Variants in DISC1 observed in about 807,000 individuals in gnomAD.
The protein encoded by DISC1 is DISC1 scaffold protein.
In DISC1, 57 loss-of-function variants were observed where a neutral mutation model predicts 84.5. The ratio of observed to expected loss-of-function variants is 0.67; its 90% CI spans 0.55 to 0.84. The LOEUF (loss-of-function observed/expected upper bound fraction) is 0.84, where lower values mean the gene tolerates loss of function less well. Ranked by LOEUF, DISC1 falls within the 40% of genes least tolerant of loss-of-function variation. The pLI, the probability that DISC1 is intolerant of heterozygous loss-of-function variation, is 0.00. For synonymous variants in DISC1, 411 were observed against 415.2 expected, an observed-to-expected ratio of 0.99 and a Z score of 0.12; for missense variants, 1,000 against 1,057.8, an observed-to-expected ratio of 0.95 and a Z score of 0.76.
intron 8 of DISC1, among the ~76,000 whole-genome samples, chr1:231,805,493 T>G (rs2079631658): frequency 6.8e-6 from 1 of 147,530 alleles, no homozygotes; most frequent in African/African-American, 2.5e-5. Flanking sequence ...AGGAGGGGGG[T>G]GGGGGAGGTG....
At chr1:231,810,834 T>C (rs1010767154) in intron 8 of DISC1, among the ~76,000 whole-genome samples, 1 of 152,222 alleles carries the variant, frequency 6.6e-6, no homozygotes, top group South Asian at 2.1e-4. Context: ...GAGTCAATTG[T>C]TACAGAAGTT....
In DISC1 at chr1:231,630,296, AG is replaced by A. The variant is rs2058610703; in HGVS notation, c.67+3365del. Among the ~76,000 whole-genome samples, 1 of 152,138 alleles carries A rather than the reference AG, an allele frequency of 6.6e-6. No individual in the cohort carries two copies. The highest frequency in any genetic ancestry group is 6.5e-5 in the Admixed American group (1 of 15,272). The stretch of plus-strand genomic sequence containing the variant: ...ACAAAAAAAGGTAATATTTTAGGTT[AG>A]GGTCATTAGACCAGAATTAGAATCA... On this transcript the variant is annotated intron_variant, in intron 1 of 12. Coordinates refer to ENST00000439617, the MANE Select transcript of DISC1 (RefSeq NM_018662.3). The surrounding 1 kb of genome is among the most constrained non-coding windows in gnomAD (Gnocchi z 4.4).
chr1:231,883,058 C>T (rs150287402), intron 9 of DISC1, among the ~76,000 whole-genome samples: 32 of 151,896 alleles, frequency 2.1e-4, no homozygotes, highest in Middle Eastern at 3.4e-3. Context: ...TAGCACAGAG[C>T]GACAGATGCC....
chr1:231,886,777 TTCTTTCTTTCTTTCTTTC>T (rs1463555647), intron 9 of DISC1, among the ~76,000 whole-genome samples: 2 of 93,894 alleles, frequency 2.1e-5, no homozygotes, highest in Admixed American at 2.0e-4. Context: ...CTTTCTTTCT[TTCTTTCTTTCTTTCTTTC>T]TTTCTTTCTT....
chr1:231,692,721 C>G (rs1425545335), intron 1 of DISC1, among the ~76,000 whole-genome samples: 3 of 152,188 alleles, frequency 2.0e-5, no homozygotes, highest in Non-Finnish European at 4.4e-5. Flanking sequence ...GAGATGAGAG[C>G]TCTGTGTGGG....
At chr1:231,750,336 A>G (rs1375446788) in intron 4 of DISC1, 2 of 1,277,620 alleles carry the variant, frequency 1.6e-6, no homozygotes, top group African/African-American at 3.0e-5. Context: ...CCCAGGTCTG[A>G]AGCATCTCTT....
At chr1:231,932,325 A>G (rs925046315) in intron 9 of DISC1, among the ~76,000 whole-genome samples, 2 of 152,164 alleles carry the variant, frequency 1.3e-5, no homozygotes, top group African/African-American at 4.8e-5. Context: ...TAAGACCAAT[A>G]TTTGTCCCAC....
chr1:231,771,984 T>G lies in DISC1; in HGVS notation c.1634+914T>G, dbSNP rs563563419. ...CACATCTGGCTATTTTTTTTTTTTT[T>G]TAAGTTTTTTGCAGAAATGGTGTCT... On this transcript the variant is annotated intron_variant, in intron 6 of 12. Transcript: ENST00000439617. Among the ~76,000 whole-genome samples, 65 of 151,668 alleles carry G rather than the reference T, an allele frequency of 4.3e-4. No homozygotes were observed. In the East Asian group the frequency reaches 8.0e-3, roughly 19 times the overall value.
intron 10 of DISC1, among the ~76,000 whole-genome samples, chr1:232,008,481 C>A (rs1311265379): frequency 1.3e-5 from 2 of 150,990 alleles, no homozygotes; most frequent in Non-Finnish European, 2.9e-5. Context: ...GTCAGTAGGG[C>A]TGGTAACACA....
At chr1:232,028,208 G>A (rs972209073) in intron 12 of DISC1, among the ~76,000 whole-genome samples, 1 of 152,166 alleles carries the variant, frequency 6.6e-6, no homozygotes, top group Non-Finnish European at 1.5e-5. Context: ...CAAATGGGCA[G>A]GTGATGGGGC....
chr1:231,645,167 C>T (rs2060019603), intron 1 of DISC1, among the ~76,000 whole-genome samples: 1 of 152,098 alleles, frequency 6.6e-6, no homozygotes, highest in South Asian at 2.1e-4. Flanking sequence ...TCACCATGGC[C>T]ACCTTTTCTG....
chr1:231,882,837 A>G (rs751803020), intron 9 of DISC1, among the ~76,000 whole-genome samples: 1 of 152,046 alleles, frequency 6.6e-6, no homozygotes, highest in Non-Finnish European at 1.5e-5. Flanking sequence ...TGGACAGTCT[A>G]TTATGTGTTC....
chr1:231,658,802 C>A (rs1010976135), intron 1 of DISC1, among the ~76,000 whole-genome samples: 37 of 152,244 alleles, frequency 2.4e-4, no homozygotes, highest in African/African-American at 7.9e-4. Context: ...ATATGTTGAA[C>A]CAACTTTGTA....
chr1:231,820,702 C>G (rs1318019818), intron 9 of DISC1, among the ~76,000 whole-genome samples: 3 of 152,142 alleles, frequency 2.0e-5, no homozygotes, highest in African/African-American at 7.2e-5. Flanking sequence ...AGAAAAAAAA[C>G]AAAGAAGGAA....
chr1:231,814,776 C>T (rs376076960), intron 8 of DISC1, among the ~76,000 whole-genome samples: 8 of 152,164 alleles, frequency 5.3e-5, no homozygotes, highest in Admixed American at 2.0e-4. Context: ...ACAGCCAGTA[C>T]GCAGATGGTC....
chr1:231,824,875 T>TATCCATCCATCCATCC (rs67972870), intron 9 of DISC1, among the ~76,000 whole-genome samples: 24 of 150,004 alleles, frequency 1.6e-4, no homozygotes, highest in Middle Eastern at 3.4e-3. Context: ...GTTGCATTTC[T>TATCCATCCATCCATCC]ATCCATCCAT....
At chr1:231,763,663 G>A (rs556414536) in intron 4 of DISC1, among the ~76,000 whole-genome samples, 1 of 152,152 alleles carries the variant, frequency 6.6e-6, no homozygotes, top group East Asian at 1.9e-4. Context: ...CACTTATTTC[G>A]TAAGTGTCAA....
Position 231,833,033 on chromosome 1 carries a change from G to A in DISC1, c.1981+14516G>A, listed in dbSNP as rs574974455. Among the ~76,000 whole-genome samples the A allele has an allele frequency of 5.7e-4, 79 of 138,262 alleles. 2 individuals are homozygous for A. The highest frequency in any genetic ancestry group is 1.6e-3 in the East Asian group (7 of 4,282). The allele number at this position is 138,262 out of a possible 152,430, so 90.7% of individuals were successfully genotyped here. On this transcript the variant is annotated intron_variant, in intron 9 of 12. Transcript: ENST00000439617. ...GATCGGTCACCAAGGAGGGAGTAGA[G>A]GTATCTTATACTTGTGGGTTAAGGT...
intron 3 of DISC1, among the ~76,000 whole-genome samples, chr1:231,744,849 A>G (rs1558466738): frequency 1.3e-5 from 2 of 152,194 alleles, no homozygotes; most frequent in Non-Finnish European, 2.9e-5. Context: ...AAAAAACACT[A>G]CCTGTTAAAC....
Sources: allele counts gnomAD v4.1 joint callset (sites outside exome capture counted in the v4.1 genomes callset), GRCh38; gene constraint gnomAD v4.1.1; non-coding constraint Gnocchi (gnomAD v3.1); transcripts MANE v1.5; gene names NCBI Gene and HGNC (gene_info 2026-07-23, HGNC 2026-07-21).